TIAM1: variants seen among roughly 807,000 people sequenced by gnomAD.
TIAM1 encodes TIAM Rac1 associated GEF 1, also known as rho guanine nucleotide exchange factor TIAM1.
TIAM1 carries 65 observed loss-of-function variants against 163.5 expected under a neutral mutation model. The ratio of observed to expected loss-of-function variants is 0.40; its 90% CI spans 0.33 to 0.49. The LOEUF (loss-of-function observed/expected upper bound fraction) is 0.49, where lower values mean the gene tolerates loss of function less well. TIAM1 is among the 20% of genes least tolerant of loss of function. The pLI is 0.77. For synonymous variants in TIAM1, 833 were observed against 810.1 expected (o/e 1.03, Z -0.48); for missense variants, 1,789 against 2,044.7 (o/e 0.87, Z 2.41).
chr21:31,414,763 T>C (rs1366202422), intron 2 of TIAM1, among the ~76,000 whole-genome samples: 2 of 152,180 alleles, frequency 1.3e-5, no homozygotes, highest in African/African-American at 2.4e-5. Context: ...GATCTGAGAA[T>C]CATTTCCTCA....
intron 15 of TIAM1, among the ~76,000 whole-genome samples, chr21:31,171,058 A>T (rs1032811623): frequency 2.6e-5 from 4 of 151,124 alleles, no homozygotes; most frequent in Non-Finnish European, 5.9e-5. Flanking sequence ...AAAAAAAAAA[A>T]AAAATTGGGG....
At position 31,182,586 on chromosome 21, in the gene TIAM1, AGTT is replaced by A; in HGVS notation, c.2719_2721del (p.Asn907del). ...GAGAGGAAATCTTTGAGCATAGAAG[AGTT>A]CAGGGCGTCAGCAGCACGATTATTG... On this transcript the variant is annotated inframe_deletion, in exon 15 of 28. Transcript: ENST00000541036. 1 of 1,614,082 alleles carries A rather than the reference AGTT, an allele frequency of 6.2e-7. No individual in the cohort carries two copies. Among genetic ancestry groups the A allele is most frequent in the Non-Finnish European group, 8.5e-7 (1 of 1,179,958 alleles).
At chr21:31,437,214 C>G (rs1293656339) in intron 2 of TIAM1, among the ~76,000 whole-genome samples, 1 of 152,108 alleles carries the variant, frequency 6.6e-6, no homozygotes, top group Non-Finnish European at 1.5e-5. Flanking sequence ...TATCCAATAT[C>G]TTAAACATAC....
intron 2 of TIAM1, among the ~76,000 whole-genome samples, chr21:31,462,614 C>T (rs1289547584): frequency 6.6e-6 from 1 of 152,204 alleles, no homozygotes; most frequent in Admixed American, 6.5e-5. Context: ...ACTCTCAAGA[C>T]ACGAGGGCCT....
intron 2 of TIAM1, among the ~76,000 whole-genome samples, chr21:31,319,157 C>G (rs1335535002): frequency 2.6e-5 from 4 of 152,112 alleles, no homozygotes; most frequent in African/African-American, 9.7e-5. Flanking sequence ...GTTTCTGGAG[C>G]TTTACTTTCT....
chr21:31,127,133 C>T lies in TIAM1; in HGVS notation c.4065G>A (p.Val1355=), dbSNP rs2082229615. ...LASADAEANA[V]CEIVHVKSES... is the part of the protein sequence containing the mutation. ...CGGATTTTACATGGACAATTTCACA[C>T]ACGGCATTTGCCTCTGCATCTAAAG... Residue 1355 remains valine (V), a synonymous_variant, in exon 26 of 28, where the codon GTG becomes GTA. Transcript: ENST00000541036. 2 of 1,614,024 alleles carry T rather than the reference C, an allele frequency of 1.2e-6. No individual in the cohort carries two copies. The highest frequency in any genetic ancestry group is 1.1e-5 in the South Asian group (1 of 91,082).
intron 2 of TIAM1, among the ~76,000 whole-genome samples, chr21:31,382,943 G>C (rs1206942855): frequency 1.3e-5 from 2 of 152,106 alleles, no homozygotes; most frequent in Non-Finnish European, 2.9e-5. Flanking sequence ...ATATCTTTTA[G>C]AAGTGTAAAA....
chr21:31,450,640 C>A (rs9975392), intron 2 of TIAM1, among the ~76,000 whole-genome samples: 1 of 151,984 alleles, frequency 6.6e-6, no homozygotes, highest in Non-Finnish European at 1.5e-5. Context: ...AAGACATACC[C>A]GAGACTGAGT....
chr21:31,250,063 T>C (rs1212107968), intron 5 of TIAM1, among the ~76,000 whole-genome samples: 1 of 151,052 alleles, frequency 6.6e-6, no homozygotes, highest in Admixed American at 6.6e-5. Context: ...GGAGGATCAC[T>C]TGAGCCCAGG....
chr21:31,298,726 C>A (rs2074381182), intron 2 of TIAM1, among the ~76,000 whole-genome samples: 1 of 102,638 alleles, frequency 9.7e-6, no homozygotes, highest in Non-Finnish European at 2.0e-5. Context: ...CAGATCAGAT[C>A]CAATTGAGGG....
At chr21:31,218,562 C>T (rs539105865) in intron 8 of TIAM1, among the ~76,000 whole-genome samples, 1 of 143,540 alleles carries the variant, frequency 7.0e-6, no homozygotes, top group Non-Finnish European at 1.5e-5. Context: ...GAACGAGACT[C>T]TTTCTCAAAA....
At chr21:31,307,423 C>A (rs190732265) in intron 2 of TIAM1, among the ~76,000 whole-genome samples, 50 of 152,260 alleles carry the variant, frequency 3.3e-4, no homozygotes, top group African/African-American at 1.1e-3. Context: ...TCCCAGGACA[C>A]CATCCAGAAC....
At chr21:31,497,674 T>G (rs2046711613) in intron 1 of TIAM1, among the ~76,000 whole-genome samples, 1 of 152,176 alleles carries the variant, frequency 6.6e-6, no homozygotes, top group African/African-American at 2.4e-5. Flanking sequence ...AAAATTACTT[T>G]GAAAATATGT....
chr21:31,354,339 G>C (rs2076281888), intron 2 of TIAM1, among the ~76,000 whole-genome samples: 2 of 152,146 alleles, frequency 1.3e-5, no homozygotes, highest in Non-Finnish European at 2.9e-5. Context: ...GTCTGAGAAA[G>C]GTGAGTGAAC....
At chr21:31,289,975 A>G (rs2073956371) in intron 2 of TIAM1, among the ~76,000 whole-genome samples, 1 of 152,214 alleles carries the variant, frequency 6.6e-6, no homozygotes. Flanking sequence ...TGTCCAGGGC[A>G]CTATGATGCA....
intron 2 of TIAM1, among the ~76,000 whole-genome samples, chr21:31,371,843 TCA>T (rs973180860): frequency 6.6e-6 from 1 of 152,198 alleles, no homozygotes; most frequent in African/African-American, 2.4e-5. Context: ...ATAACGGCTC[TCA>T]GACTCATTCA....
intron 2 of TIAM1, among the ~76,000 whole-genome samples, chr21:31,353,830 T>G (rs889213286): frequency 9.2e-6 from 1 of 108,764 alleles, no homozygotes; most frequent in African/African-American, 3.4e-5. Flanking sequence ...TATTTATTTA[T>G]TTATCTTTTT....
chr21:31,430,946 C>A (rs918043632), intron 2 of TIAM1, among the ~76,000 whole-genome samples: 6 of 152,282 alleles, frequency 3.9e-5, no homozygotes, highest in Middle Eastern at 6.8e-3. Flanking sequence ...TTGGCATGAT[C>A]TGGCCACTGA....
At chr21:31,347,821 A>G (rs1022835282), upstream of TIAM1, among the ~76,000 whole-genome samples, 1 of 151,952 alleles carries the variant, frequency 6.6e-6, no homozygotes, top group African/African-American at 2.4e-5. Context: ...TTTATGCACG[A>G]ACGTTCAGAG....
Sources: allele counts gnomAD v4.1 joint callset (sites outside exome capture counted in the v4.1 genomes callset), GRCh38; gene constraint gnomAD v4.1.1; transcripts MANE v1.5; gene names NCBI Gene and HGNC (gene_info 2026-07-23, HGNC 2026-07-21).